Variants in AXDND1 observed in about 807,000 individuals in gnomAD.
AXDND1 encodes the protein axonemal dynein light chain domain containing 1.
Under a neutral mutation model 137.5 loss-of-function variants are expected in AXDND1, and 110 were observed. That is an observed-to-expected ratio of 0.80 (90% CI 0.69 to 0.94). The LOEUF (loss-of-function observed/expected upper bound fraction) is 0.94, where lower values mean the gene tolerates loss of function less well. Among genes scored for constraint, AXDND1 ranks in the 40% least tolerant of loss-of-function variants. The probability of loss-of-function intolerance (pLI) is 0.00; values close to 1 mark genes in which losing one functional copy is unlikely to be tolerated. For synonymous variants in AXDND1, 414 were observed against 399.7 expected, an observed-to-expected ratio of 1.04 and a Z score of -0.43; for missense variants, 1,191 against 1,169.8, an observed-to-expected ratio of 1.02 and a Z score of -0.26.
intron 17 of AXDND1, among the ~76,000 whole-genome samples, chr1:179,477,852 A>G (rs36014011): frequency 0.46 from 69,371 of 151,992 alleles, 16,716 homozygotes; most frequent in East Asian, 0.76. Flanking sequence ...ATCAAAAGCA[A>G]GTTAGTTACT....
rs747654129 is a variant in AXDND1, at chr1:179,394,048, A to G, written c.1004+5A>G. On this transcript the variant is annotated splice_donor_5th_base_variant and intron_variant, in intron 10 of 25. Transcript: ENST00000367618. ...TGTTATTGAAGAACTGACCAGGTAA[A>G]AACTGTGATTATCTTAAACACAAAA... The G allele has an allele frequency of 5.6e-6, 9 of 1,593,218 alleles. No homozygotes were observed. In the African/African-American group the frequency reaches 1.2e-4, roughly 22 times the overall value.
chr1:179,450,732 A>G (rs113940440), intron 16 of AXDND1: 2,668 of 152,914 alleles, frequency 0.017, 63 homozygotes, highest in African/African-American at 0.059. Context: ...TGGGAGGCCA[A>G]GGCAGGAGGA....
At chr1:179,472,681 T>A (rs1040298188) in intron 17 of AXDND1, among the ~76,000 whole-genome samples, 2 of 152,212 alleles carry the variant, frequency 1.3e-5, no homozygotes, top group African/African-American at 4.8e-5. Flanking sequence ...TACTTTGTTA[T>A]TAGGTGCACA....
chr1:179,400,681 A>C lies in AXDND1; in HGVS notation c.1109+5479A>C, dbSNP rs1651847684. On this transcript the variant is annotated intron_variant, in intron 11 of 25. Coordinates refer to ENST00000367618, the MANE Select transcript of AXDND1 (RefSeq NM_144696.6). The stretch of plus-strand genomic sequence containing the variant: ...CACTCTGGGAGGCCAAGGTGGGCAG[A>C]TCACGAGGTCAGGAGATCAACACCA... Among the ~76,000 whole-genome samples, 4 of 150,212 alleles carry C rather than the reference A, an allele frequency of 2.7e-5. No homozygotes were observed. The South Asian group carries it at 8.4e-4, about 32-fold the overall frequency.
chr1:179,449,480 G>T (rs756033510), intron 16 of AXDND1: 2 of 156,520 alleles, frequency 1.3e-5, no homozygotes, highest in Non-Finnish European at 2.8e-5. Flanking sequence ...TCTTTTTCAT[G>T]ATTGTTTTGG....
chr1:179,383,500 G>A lies in AXDND1; in HGVS notation c.697G>A (p.Glu233Lys), dbSNP rs764373548. 27 of 1,614,056 alleles carry A rather than the reference G, an allele frequency of 1.7e-5. No homozygotes were observed. In the South Asian group the frequency reaches 2.7e-4, roughly 16 times the overall value. Residue 233 changes from glutamate (E) to lysine (K), a missense_variant, in exon 8 of 26, where the codon GAG (glutamate) becomes AAG (lysine). Transcript: ENST00000367618. ...GAATGATGTGATGGATACTATGCTA[G>A]AGAGGGCTGGTGTGGAAAATCAGGA... ...QLNDVMDTMLERAGVENQEYT... is the reference protein window; with the variant it reads ...QLNDVMDTMLKRAGVENQEYT...
chr1:179,549,854 G>A (rs960524145), intron 25 of AXDND1, among the ~76,000 whole-genome samples: 1 of 152,006 alleles, frequency 6.6e-6, no homozygotes, highest in African/African-American at 2.4e-5. Context: ...AACCACCTAT[G>A]ATCATGCCCC....
intron 21 of AXDND1, among the ~76,000 whole-genome samples, chr1:179,513,847 G>A (rs1228986553): frequency 1.3e-5 from 2 of 152,000 alleles, no homozygotes; most frequent in Non-Finnish European, 2.9e-5. Context: ...TAGTTTATGT[G>A]CATAAAGATG....
intron 20 of AXDND1, among the ~76,000 whole-genome samples, chr1:179,502,671 G>T (rs1217692753): frequency 6.7e-6 from 1 of 150,122 alleles, no homozygotes; most frequent in Non-Finnish European, 1.5e-5. Context: ...ATATAAATTT[G>T]TACATCCACT....
chr1:179,542,632 G>A (rs921316100), intron 25 of AXDND1, among the ~76,000 whole-genome samples: 3 of 152,142 alleles, frequency 2.0e-5, no homozygotes, highest in Non-Finnish European at 2.9e-5. Context: ...AGATAAATAA[G>A]CAAACCACCC....
chr1:179,410,227 C>T lies in AXDND1; in HGVS notation c.1110-919C>T, dbSNP rs541080444. ...AATGCTACTTGTTACGTTATAACTT[C>T]TATGTTTGTATTTACTTCAGGAGGT... is the stretch of plus-strand genomic sequence containing the variant. On this transcript the variant is annotated intron_variant, in intron 11 of 25. Transcript: ENST00000367618. Among the ~76,000 whole-genome samples the T allele has an allele frequency of 7.9e-5, 12 of 152,202 alleles. No individual in the cohort carries two copies. The East Asian group carries it at 2.1e-3, about 27-fold the overall frequency.
chr1:179,383,317 C>T, intron 7 of AXDND1, 125 bp from the exon 8 acceptor site: 1 of 696,082 alleles, frequency 1.4e-6, no homozygotes, highest in Non-Finnish European at 2.4e-6. Context: ...AGGTCTAATG[C>T]TTAAAATGCC....
chr1:179,383,189 A>G (rs555324948), intron 7 of AXDND1, among the ~76,000 whole-genome samples: 1 of 152,050 alleles, frequency 6.6e-6, no homozygotes, highest in East Asian at 1.9e-4. Flanking sequence ...TGATAGGTAT[A>G]TAGAATTTTT....
Position 179,375,501 on chromosome 1 carries a change from TATA to T in AXDND1, c.375-3133_375-3131del, listed in dbSNP as rs72273300. 1.5e-3 allele frequency among the ~76,000 whole-genome samples: 137 copies of T among 92,154 alleles called. 4 individuals carry two copies. The East Asian group carries it at 0.027, about 18-fold the overall frequency. 60.5% of individuals were successfully genotyped at this position (92,154 alleles called of 152,430 possible). A position where few individuals can be genotyped will look rare whatever the true frequency, so the allele number is the denominator to read the frequency against. On this transcript the variant is annotated intron_variant, in intron 4 of 25. Transcript: ENST00000367618. Reference sequence around the variant, plus strand: ...TATAAAATATATATAATGTATAACATATAATGTATAATGTATACATATGCATTA... The same window carrying T: ...TATAAAATATATATAATGTATAACATATGTATAATGTATACATATGCATTA...
chr1:179,551,950 C>T lies in AXDND1; in HGVS notation c.3032-2562C>T, dbSNP rs144528979. ...CTATCCTCCTCCCCTTCCTCATCCCCGCCTCCCCTCAGTGATCCACAGGCA... is the reference window on the plus strand; with the variant it reads ...CTATCCTCCTCCCCTTCCTCATCCCTGCCTCCCCTCAGTGATCCACAGGCA... On this transcript the variant is annotated intron_variant, in intron 25 of 25. Transcript: ENST00000367618. 206 of 171,432 alleles carry T rather than the reference C, an allele frequency of 1.2e-3. 1 individual carries two copies. The highest frequency in any genetic ancestry group is 2.1e-3 in the Non-Finnish European group (165 of 78,924). 10.6% of individuals were successfully genotyped at this position (171,432 alleles called of 1,614,324 possible).
chr1:179,432,468 C>A, intron 15 of AXDND1, 126 bp downstream of exon 15: 1 of 1,288,468 alleles, frequency 7.8e-7, no homozygotes, highest in Non-Finnish European at 1.0e-6. Flanking sequence ...CACTGTCGCC[C>A]AGGCTGGAGC....
intron 25 of AXDND1, among the ~76,000 whole-genome samples, chr1:179,537,025 A>G (rs1671620009): frequency 1.3e-5 from 2 of 152,208 alleles, no homozygotes; most frequent in South Asian, 4.1e-4. Context: ...TTATTGGTGT[A>G]TAGCATGGAA....
intron 22 of AXDND1, among the ~76,000 whole-genome samples, chr1:179,526,235 A>G (rs1670518235): frequency 6.6e-6 from 1 of 152,004 alleles, no homozygotes; most frequent in African/African-American, 2.4e-5. Flanking sequence ...ATTTGTAGTA[A>G]TAAAAACCCT....
intron 23 of AXDND1, among the ~76,000 whole-genome samples, chr1:179,528,883 C>T (rs550583804): frequency 1.3e-5 from 2 of 152,110 alleles, no homozygotes; most frequent in Non-Finnish European, 2.9e-5. Flanking sequence ...CGAGCTATTG[C>T]GCCCGGCCTA....
Sources: allele counts gnomAD v4.1 joint callset (sites outside exome capture counted in the v4.1 genomes callset), GRCh38; gene constraint gnomAD v4.1.1; transcripts MANE v1.5; gene names NCBI Gene and HGNC (gene_info 2026-07-23, HGNC 2026-07-21).